The following HPSE2 variants were observed in gnomAD, a reference collection of about 807,000 sequenced individuals.
HPSE2 encodes the protein heparanase 2 (inactive), also known as inactive heparanase-2.
Under a neutral mutation model 60.5 loss-of-function variants are expected in HPSE2, and 38 were observed. The observed-to-expected ratio is 0.63, with a 90% CI of 0.48 to 0.82. HPSE2 has a LOEUF of 0.82. Among genes scored for constraint, HPSE2 ranks in the 40% least tolerant of loss-of-function variants. HPSE2 has a pLI of 0.00. For missense variants in HPSE2, 713 were observed against 740.4 expected (o/e 0.96, Z 0.43); for synonymous variants, 295 against 293.2 (o/e 1.01, Z -0.06).
At chr10:99,250,459 TATAAC>T in the HPSE2 span, among the ~76,000 whole-genome samples, 3 of 152,154 alleles carry the variant, frequency 2.0e-5, no homozygotes, top group African/African-American at 7.2e-5. Context: ...GAGGCACAAA[TATAAC>T]AAAGAATCTG....
intron 2 of HPSE2, among the ~76,000 whole-genome samples, chr10:99,197,916 C>T (rs544710075): frequency 7.9e-5 from 12 of 152,014 alleles, no homozygotes; most frequent in African/African-American, 2.9e-4. Context: ...ACTAAAAATA[C>T]AAAAATTAGC....
At chr10:99,226,363 G>GTC (rs1849473405) in intron 2 of HPSE2, among the ~76,000 whole-genome samples, 1 of 151,934 alleles carries the variant, frequency 6.6e-6, no homozygotes, top group Non-Finnish European at 1.5e-5. Context: ...TGTTAATGTT[G>GTC]TCTCACCAAC....
At chr10:98,605,605 A>G (rs1415295960) in intron 9 of HPSE2, among the ~76,000 whole-genome samples, 1 of 152,166 alleles carries the variant, frequency 6.6e-6, no homozygotes, top group Non-Finnish European at 1.5e-5. Flanking sequence ...TCTAGGCACC[A>G]AGTTCAGTCG....
upstream of HPSE2, among the ~76,000 whole-genome samples, chr10:99,239,768 A>C (rs371991983): frequency 1.3e-5 from 2 of 151,980 alleles, no homozygotes; most frequent in East Asian, 1.9e-4. Context: ...TAAGGACCTT[A>C]ATAAAAACTG....
chr10:98,811,617 A>G (rs371510977), intron 3 of HPSE2, among the ~76,000 whole-genome samples: 3 of 152,246 alleles, frequency 2.0e-5, no homozygotes, highest in East Asian at 3.9e-4. Context: ...TAGACTTTGT[A>G]GTATGCAATT....
chr10:98,568,307 T>G (rs958934226), intron 9 of HPSE2, among the ~76,000 whole-genome samples: 1 of 152,222 alleles, frequency 6.6e-6, no homozygotes, highest in African/African-American at 2.4e-5. Context: ...AACTTCTATA[T>G]AACTTGCAAT....
At chr10:99,132,233 G>GAAAGAAAGAAAGAA (rs1179689093) in intron 3 of HPSE2, among the ~76,000 whole-genome samples, 10 of 17,684 alleles carry the variant, frequency 5.7e-4, no homozygotes, top group South Asian at 4.0e-3. Flanking sequence ...GAGAGAGAGA[G>GAAAGAAAGAAAGAA]AGAGAGAGAG....
intron 3 of HPSE2, among the ~76,000 whole-genome samples, chr10:99,024,610 C>T (rs1294304159): frequency 2.0e-5 from 3 of 151,948 alleles, no homozygotes; most frequent in African/African-American, 7.3e-5. Flanking sequence ...AAGAAGACTA[C>T]CTCAAGGCAT....
At chr10:99,180,770 G>C (rs1847729612) in intron 2 of HPSE2, among the ~76,000 whole-genome samples, 1 of 151,442 alleles carries the variant, frequency 6.6e-6, no homozygotes, top group South Asian at 2.1e-4. Flanking sequence ...GGCATCTGTA[G>C]TTCCAGCTAC....
the HPSE2 span, among the ~76,000 whole-genome samples, chr10:99,255,497 T>C: frequency 1.3e-4 from 19 of 151,908 alleles, no homozygotes; most frequent in Non-Finnish European, 2.5e-4. Context: ...TGTTTTAACA[T>C]TCAAAAGCAT....
chr10:98,584,912 T>C (rs1303867177), intron 9 of HPSE2, among the ~76,000 whole-genome samples: 2 of 152,226 alleles, frequency 1.3e-5, no homozygotes, highest in Non-Finnish European at 2.9e-5. Flanking sequence ...TGGTCAGACC[T>C]GCCTAGGAGT....
At chr10:99,283,413 A>T in the HPSE2 span, among the ~76,000 whole-genome samples, 1 of 151,710 alleles carries the variant, frequency 6.6e-6, no homozygotes, top group African/African-American at 2.4e-5. Context: ...CTGAGGTGGG[A>T]GGATTGCTTG....
At chr10:98,999,938 G>C (rs1039317585) in intron 3 of HPSE2, among the ~76,000 whole-genome samples, 2 of 152,126 alleles carry the variant, frequency 1.3e-5, no homozygotes, top group African/African-American at 4.8e-5. Context: ...TTTGCAGTAT[G>C]ATAGATGAAT....
intron 3 of HPSE2, among the ~76,000 whole-genome samples, chr10:98,858,061 A>C (rs1438629641): frequency 6.6e-6 from 1 of 152,200 alleles, no homozygotes; most frequent in African/African-American, 2.4e-5. Flanking sequence ...TTCAATCTTT[A>C]ACAATCTTTC....
At chr10:98,530,368 C>T (rs1285503548) in intron 9 of HPSE2, among the ~76,000 whole-genome samples, 1 of 152,182 alleles carries the variant, frequency 6.6e-6, no homozygotes, top group Non-Finnish European at 1.5e-5. Flanking sequence ...TTCTGAGCCC[C>T]ATCCCCAGAG....
At chr10:99,098,071 A>T (rs1045266105) in intron 3 of HPSE2, among the ~76,000 whole-genome samples, 5 of 152,228 alleles carry the variant, frequency 3.3e-5, no homozygotes, top group Admixed American at 2.0e-4. Flanking sequence ...TTCTGACACA[A>T]ATATTACTAA....
intron 9 of HPSE2, among the ~76,000 whole-genome samples, chr10:98,565,395 C>T (rs921316862): frequency 2.0e-5 from 3 of 151,960 alleles, no homozygotes. Context: ...TCTCATTGTC[C>T]GACTCCCACT....
At chr10:98,722,291 A>T (rs980695077) in intron 4 of HPSE2, among the ~76,000 whole-genome samples, 5 of 150,992 alleles carry the variant, frequency 3.3e-5, no homozygotes, top group African/African-American at 1.2e-4. Context: ...AGATACCCAG[A>T]CACAGAGAGA....
At chr10:99,085,751 T>C (rs1210290665) in intron 3 of HPSE2, among the ~76,000 whole-genome samples, 2 of 152,202 alleles carry the variant, frequency 1.3e-5, no homozygotes, top group African/African-American at 4.8e-5. Flanking sequence ...AAGAAATGTG[T>C]ACTTTCAGGG....
Sources: allele counts gnomAD v4.1 joint callset (sites outside exome capture counted in the v4.1 genomes callset), GRCh38; gene constraint gnomAD v4.1.1; transcripts MANE v1.5; gene names NCBI Gene and HGNC (gene_info 2026-07-23, HGNC 2026-07-21).